Variants in SLC44A5 observed in about 807,000 individuals in gnomAD.
SLC44A5 encodes choline transporter-like protein 5.
Under a neutral mutation model 101.8 loss-of-function variants are expected in SLC44A5, and 57 were observed. The ratio of observed to expected loss-of-function variants is 0.56; its 90% confidence interval spans 0.45 to 0.70. SLC44A5 has a LOEUF of 0.70. SLC44A5 is among the 30% of genes least tolerant of loss of function. The pLI is 0.00. For synonymous variants in SLC44A5, 281 were observed against 290.9 expected, an observed-to-expected ratio of 0.97 and a Z score of 0.35; for missense variants, 737 against 853.1, an observed-to-expected ratio of 0.86 and a Z score of 1.70.
At position 75,337,711 on chromosome 1, in the gene SLC44A5, A is replaced by T. The variant is rs1268405329; in HGVS notation, c.101+1871T>A. 2.0e-5 allele frequency among the ~76,000 whole-genome samples: 3 copies of T among 152,294 alleles called. No individual in the cohort carries two copies. The East Asian group carries it at 5.8e-4, about 29-fold the overall frequency. ...TTCTTGGTAGATGGGAACAAATGAG[A>T]CACTGAGTTCACCTCTCCTATGCAT... On this transcript the variant is annotated intron_variant, in intron 4 of 23. Coordinates refer to ENST00000370859, the MANE Select transcript of SLC44A5 (RefSeq NM_001130058.2).
chr1:75,401,636 C>T (rs1160465839), intron 2 of SLC44A5, among the ~76,000 whole-genome samples: 1 of 151,866 alleles, frequency 6.6e-6, no homozygotes, highest in African/African-American at 2.4e-5. Context: ...TGAGCTGGGG[C>T]TAGAGAAGTG....
chr1:75,655,837 G>GT, the SLC44A5 span, among the ~76,000 whole-genome samples: 1 of 152,038 alleles, frequency 6.6e-6, no homozygotes, highest in Non-Finnish European at 1.5e-5. Context: ...ATATTAGAAA[G>GT]TTTATTCAAA....
intron 4 of SLC44A5, among the ~76,000 whole-genome samples, chr1:75,326,233 A>C (rs1228051580): frequency 6.7e-6 from 1 of 150,088 alleles, no homozygotes; most frequent in Non-Finnish European, 1.5e-5. Context: ...CATATTCTGA[A>C]TTAAGACACC....
At chr1:75,398,990 G>A (rs1006435834) in intron 2 of SLC44A5, among the ~76,000 whole-genome samples, 2 of 151,900 alleles carry the variant, frequency 1.3e-5, no homozygotes, top group South Asian at 2.1e-4. Context: ...GGAGCCAAAA[G>A]AGTCATACTT....
At chr1:75,218,454 T>C in intron 17 of SLC44A5, 36 bp downstream of exon 17, 2 of 1,609,474 alleles carry the variant, frequency 1.2e-6, no homozygotes, top group Non-Finnish European at 1.7e-6. Context: ...TAAATGTAAC[T>C]GACAAGATAG....
rs181262359 is a variant in SLC44A5, at chr1:75,390,713, A to C, written c.52+5870T>G. Among the ~76,000 whole-genome samples the C allele has an allele frequency of 9.2e-5, 14 of 152,322 alleles. No individual in the cohort carries two copies. In the East Asian group the frequency reaches 2.1e-3, roughly 23 times the overall value. ...CATACCTCAAAATAATGAGCAATTT[A>C]TGAAAAACCTGTAGCCAACATCATA... On this transcript the variant is annotated intron_variant, in intron 3 of 23. Coordinates refer to ENST00000370859, the MANE Select transcript of SLC44A5 (RefSeq NM_001130058.2).
intron 3 of SLC44A5, among the ~76,000 whole-genome samples, chr1:75,353,060 C>A (rs1232019891): frequency 6.6e-6 from 1 of 152,078 alleles, no homozygotes; most frequent in East Asian, 1.9e-4. Context: ...ATGATACGTG[C>A]TTTTTGCTCT....
chr1:75,465,860 A>G (rs1232914621), intron 2 of SLC44A5, among the ~76,000 whole-genome samples: 2 of 152,190 alleles, frequency 1.3e-5, no homozygotes, highest in Non-Finnish European at 2.9e-5. Flanking sequence ...TAGACCAATA[A>G]CAAGTAACAA....
chr1:75,611,126 G>T (rs1337628885), upstream of SLC44A5: 2 of 983,034 alleles, frequency 2.0e-6, no homozygotes, highest in Non-Finnish European at 2.4e-6. Flanking sequence ...TGAAAAAAAA[G>T]CTGATGTCAT....
In SLC44A5 at chr1:75,484,980, C is replaced by T. The variant is rs149752064; in HGVS notation, c.13+56455G>A. ...CAGAGCAGCAAGGCCATGGGCCTGG[C>T]CCACAAAACCACTTTTTCCTCCCAG... On this transcript the variant is annotated intron_variant, in intron 2 of 23. Transcript: ENST00000370859. Among the ~76,000 whole-genome samples the T allele has an allele frequency of 1.3e-4, 20 of 152,346 alleles. No homozygotes were observed. In the East Asian group the frequency reaches 3.7e-3, roughly 28 times the overall value.
At chr1:75,424,744 A>G (rs1159460953) in intron 2 of SLC44A5, among the ~76,000 whole-genome samples, 1 of 152,208 alleles carries the variant, frequency 6.6e-6, no homozygotes, top group Non-Finnish European at 1.5e-5. Flanking sequence ...CAAAATGTCA[A>G]GAGTTTTTTT....
the SLC44A5 span, among the ~76,000 whole-genome samples, chr1:75,700,319 G>A: frequency 6.6e-6 from 1 of 152,134 alleles, no homozygotes; most frequent in East Asian, 1.9e-4. Flanking sequence ...TCAGACCACA[G>A]TGCAATCAAA....
the SLC44A5 span, among the ~76,000 whole-genome samples, chr1:75,645,620 T>A: frequency 5.3e-4 from 80 of 151,752 alleles, 1 homozygote; most frequent in Non-Finnish European, 1.5e-5. Context: ...GTGCAGAAGC[T>A]CTTTAGTTTA....
At chr1:75,207,119 T>A (rs1338166598) in intron 23 of SLC44A5, among the ~76,000 whole-genome samples, 3 of 152,134 alleles carry the variant, frequency 2.0e-5, no homozygotes, top group Non-Finnish European at 4.4e-5. Flanking sequence ...ATAATGGAAT[T>A]TCAGACTTTC....
chr1:75,509,622 T>C (rs185159348), intron 2 of SLC44A5, among the ~76,000 whole-genome samples: 1 of 152,328 alleles, frequency 6.6e-6, no homozygotes, highest in Non-Finnish European at 1.5e-5. Context: ...GTAAGTTATC[T>C]ATCCTCCAAA....
At chr1:75,466,938 C>G (rs1465771149) in intron 2 of SLC44A5, among the ~76,000 whole-genome samples, 1 of 152,006 alleles carries the variant, frequency 6.6e-6, no homozygotes, top group Admixed American at 6.6e-5. Flanking sequence ...TTGGAAAAAC[C>G]TACACTGCAC....
chr1:75,496,597 C>A (rs1668684638), intron 2 of SLC44A5, among the ~76,000 whole-genome samples: 1 of 143,812 alleles, frequency 7.0e-6, no homozygotes, highest in African/African-American at 2.6e-5. Context: ...CACAAGGAAA[C>A]AGACAACAAC....
At chr1:75,333,816 A>T (rs1265564194) in intron 4 of SLC44A5, among the ~76,000 whole-genome samples, 3 of 152,180 alleles carry the variant, frequency 2.0e-5, no homozygotes, top group Non-Finnish European at 4.4e-5. Flanking sequence ...TGACCCTTGC[A>T]CTCATACTTG....
chr1:75,414,955 T>C (rs948402249), intron 2 of SLC44A5, among the ~76,000 whole-genome samples: 5 of 152,218 alleles, frequency 3.3e-5, no homozygotes, highest in Middle Eastern at 3.4e-3. Context: ...ATGAAAAAAA[T>C]TGTATTTCTT....
Sources: allele counts gnomAD v4.1 joint callset (sites outside exome capture counted in the v4.1 genomes callset), GRCh38; gene constraint gnomAD v4.1.1; transcripts MANE v1.5; gene names NCBI Gene and HGNC (gene_info 2026-07-23, HGNC 2026-07-21).